Variants in HIVEP3 observed in about 807,000 individuals in gnomAD.
HIVEP3 encodes the protein HIVEP zinc finger 3.
In HIVEP3, 49 loss-of-function variants were observed where a neutral mutation model predicts 152.8. The ratio of observed to expected loss-of-function variants is 0.32; its 90% CI spans 0.26 to 0.41. The LOEUF (loss-of-function observed/expected upper bound fraction) is 0.41, where lower values mean the gene tolerates loss of function less well. HIVEP3 is among the 10% of genes least tolerant of loss of function. HIVEP3 has a pLI of 1.00. For synonymous variants in HIVEP3, 1,269 were observed against 1,289.0 expected, an observed-to-expected ratio of 0.98 and a Z score of 0.33; for missense variants, 2,790 against 3,103.3, an observed-to-expected ratio of 0.90 and a Z score of 2.40.
intron 1 of HIVEP3, among the ~76,000 whole-genome samples, chr1:41,878,238 T>A (rs1374818618): frequency 6.6e-6 from 1 of 152,224 alleles, no homozygotes; most frequent in Non-Finnish European, 1.5e-5. Context: ...AATTTAGGTC[T>A]GTTCTCCCAC....
intron 1 of HIVEP3, among the ~76,000 whole-genome samples, chr1:42,030,394 G>A (rs1338866399): frequency 6.6e-6 from 1 of 152,060 alleles, no homozygotes; most frequent in Non-Finnish European, 1.5e-5. Flanking sequence ...CAGGAAAGGG[G>A]GCATCCCAAA....
intron 1 of HIVEP3, among the ~76,000 whole-genome samples, chr1:42,015,573 C>T (rs1441729110): frequency 1.3e-5 from 2 of 152,262 alleles, no homozygotes; most frequent in Admixed American, 1.3e-4. Context: ...GACAATATCA[C>T]CCCATTAGGA....
rs143049088 is a variant in HIVEP3, at chr1:41,582,362, G to A, written c.2436C>T (p.Leu812=). 34 of 1,614,062 alleles carry A rather than the reference G, an allele frequency of 2.1e-5. No individual in the cohort carries two copies. The African/African-American group carries it at 2.4e-4, about 11-fold the overall frequency. Reference sequence around the variant, plus strand: ...CCCCTTCCAAGCCACTCGGCTGCTCGAGAGAATCAGATTTCTCAAAGGAGC... The same window carrying A: ...CCCCTTCCAAGCCACTCGGCTGCTCAAGAGAATCAGATTTCTCAAAGGAGC... The part of the protein sequence containing the change: ...HTSSFEKSDS[L]EQPSGLEGED... Residue 812 remains leucine (L), a synonymous_variant, in exon 4 of 9, where the codon CTC becomes CTT. Coordinates refer to ENST00000372583, the MANE Select transcript of HIVEP3 (RefSeq NM_024503.5). The surrounding 1 kb of genome is among the most constrained non-coding windows in gnomAD (Gnocchi z 4.7).
intron 5 of HIVEP3, among the ~76,000 whole-genome samples, chr1:41,549,041 C>A (rs1475442545): frequency 6.6e-6 from 1 of 150,478 alleles, no homozygotes; most frequent in Non-Finnish European, 1.5e-5. Context: ...CACCCCCCAA[C>A]AGGCCCCGGG....
intron 1 of HIVEP3, among the ~76,000 whole-genome samples, chr1:41,866,399 C>G (rs1643973456): frequency 6.6e-6 from 1 of 152,236 alleles, no homozygotes; most frequent in Non-Finnish European, 1.5e-5. Flanking sequence ...TTAGGGTGAC[C>G]TGCAGCTCAG....
chr1:41,671,260 G>A (rs1055156025), intron 2 of HIVEP3, among the ~76,000 whole-genome samples: 9 of 152,188 alleles, frequency 5.9e-5, no homozygotes, highest in African/African-American at 1.2e-4. Context: ...CAGGGGCTTC[G>A]CCTTTCCTCT....
chr1:41,684,315 G>GCA (rs1558178165), intron 2 of HIVEP3, among the ~76,000 whole-genome samples: 1 of 152,234 alleles, frequency 6.6e-6, no homozygotes, highest in Non-Finnish European at 1.5e-5. Flanking sequence ...CAACCACCTT[G>GCA]GCCATGCAGC....
intron 1 of HIVEP3, among the ~76,000 whole-genome samples, chr1:41,863,238 C>T (rs540884525): frequency 1.2e-4 from 19 of 152,180 alleles, no homozygotes; most frequent in Middle Eastern, 6.8e-3. Context: ...AAGTAAACTG[C>T]GTAAGGTGGG....
At chr1:41,922,532 A>G (rs904592243), upstream of HIVEP3, among the ~76,000 whole-genome samples, 1 of 152,220 alleles carries the variant, frequency 6.6e-6, no homozygotes. Flanking sequence ...CAAATTCAAG[A>G]AAGGAGAAGA....
intron 4 of HIVEP3, among the ~76,000 whole-genome samples, chr1:41,578,425 T>G (rs551980181): frequency 6.6e-6 from 1 of 152,176 alleles, no homozygotes; most frequent in African/African-American, 2.4e-5. Context: ...GGGAATAAAT[T>G]TGGAAAACAG....
At chr1:41,715,324 T>A (rs2124156919) in intron 1 of HIVEP3, among the ~76,000 whole-genome samples, 1 of 152,282 alleles carries the variant, frequency 6.6e-6, no homozygotes, top group East Asian at 1.9e-4. Context: ...TTGGCAGATC[T>A]GGGCATGGGG....
At chr1:41,972,779 A>G (rs1373630417) in intron 1 of HIVEP3, among the ~76,000 whole-genome samples, 1 of 152,228 alleles carries the variant, frequency 6.6e-6, no homozygotes, top group African/African-American at 2.4e-5. Context: ...AGGCCTGGCC[A>G]AGGCAGATGC....
intron 1 of HIVEP3, among the ~76,000 whole-genome samples, chr1:41,907,769 C>T (rs112423151): frequency 7.9e-5 from 12 of 152,206 alleles, no homozygotes; most frequent in Admixed American, 6.5e-5. Flanking sequence ...AGTCGGAAAC[C>T]TCTTGGACAA....
At chr1:41,703,223 T>A (rs1283151623) in intron 1 of HIVEP3, among the ~76,000 whole-genome samples, 8 of 152,258 alleles carry the variant, frequency 5.3e-5, no homozygotes, top group Non-Finnish European at 1.0e-4. Context: ...TCCTTCCTGC[T>A]GGCACTTTCC....
At position 41,662,777 on chromosome 1, in the gene HIVEP3, C is replaced by A. The variant is rs1645737578; in HGVS notation, c.-720-33830G>T. 1.3e-5 allele frequency among the ~76,000 whole-genome samples: 2 copies of A among 151,008 alleles called. No homozygotes were observed. ...CCTCTAGGGAGGGCAGACAGGGAAG[C>A]CCCTGTCGCCGCCGCCGGGGCCCTG... On this transcript the variant is annotated intron_variant, in intron 2 of 8. Transcript: ENST00000372583. The surrounding 1 kb of genome is among the most constrained non-coding windows in gnomAD (Gnocchi z 7.2).
intron 1 of HIVEP3, among the ~76,000 whole-genome samples, chr1:41,889,258 A>T (rs1644409012): frequency 6.6e-6 from 1 of 152,058 alleles, no homozygotes; most frequent in African/African-American, 2.4e-5. Context: ...ATCCCCTGCT[A>T]CACACAAACT....
At chr1:41,974,800 G>A (rs373734744) in intron 1 of HIVEP3, among the ~76,000 whole-genome samples, 23 of 152,164 alleles carry the variant, frequency 1.5e-4, no homozygotes, top group African/African-American at 3.9e-4. Flanking sequence ...AGCAGAGGCC[G>A]TACCTATGGT....
intron 1 of HIVEP3, among the ~76,000 whole-genome samples, chr1:41,816,092 A>G (rs913657539): frequency 1.3e-5 from 2 of 152,186 alleles, no homozygotes; most frequent in African/African-American, 4.8e-5. Flanking sequence ...AAGTGGCAGT[A>G]CCAGCATTTG....
intron 1 of HIVEP3, among the ~76,000 whole-genome samples, chr1:41,775,575 C>T (rs1648648117): frequency 1.3e-5 from 2 of 152,128 alleles, no homozygotes; most frequent in African/African-American, 2.4e-5. Context: ...ACTGCAACCT[C>T]CACCTCCTGG....
Sources: gnomAD v4.1 joint callset for allele counts (sites outside exome capture counted in the v4.1 genomes callset) on GRCh38, gnomAD v4.1.1 for gene constraint, Gnocchi (gnomAD v3.1) non-coding constraint, MANE v1.5 for transcripts, NCBI Gene and HGNC (gene_info 2026-07-23, HGNC 2026-07-21) for gene names.